TRIQK: variants seen among roughly 807,000 people sequenced by gnomAD.
The protein encoded by TRIQK is triple QxxK/R motif-containing protein.
In TRIQK, 10 loss-of-function variants were observed where a neutral mutation model predicts 10.8. The ratio of observed to expected loss-of-function variants is 0.92; its 90% CI spans 0.57 to 1.57. The LOEUF is 1.57. TRIQK is among the 40% of genes most tolerant of loss of function. TRIQK has a pLI of 0.00. For missense variants in TRIQK, 107 were observed against 97.7 expected (o/e 1.09, Z -0.40); for synonymous variants, 33 against 33.7 (o/e 0.98, Z 0.07).
chr8:92,920,488 G>A (rs1810118661), intron 2 of TRIQK, among the ~76,000 whole-genome samples: 1 of 150,770 alleles, frequency 6.6e-6, no homozygotes, highest in Non-Finnish European at 1.5e-5. Context: ...ATGAAAACAG[G>A]CTTTGAAGAA....
At chr8:92,976,468 T>A (rs1812932518) in intron 1 of TRIQK, among the ~76,000 whole-genome samples, 1 of 152,040 alleles carries the variant, frequency 6.6e-6, no homozygotes, top group South Asian at 2.1e-4. Flanking sequence ...AGCTTTCTTT[T>A]GGTCAGTGTT....
At chr8:92,995,393 T>C (rs747849634) in intron 1 of TRIQK, among the ~76,000 whole-genome samples, 10 of 152,060 alleles carry the variant, frequency 6.6e-5, no homozygotes, top group Non-Finnish European at 1.5e-4. Context: ...AATATGTGTG[T>C]TTTTATTCCC....
chr8:92,989,936 G>A (rs1045478941), intron 1 of TRIQK, among the ~76,000 whole-genome samples: 6 of 151,586 alleles, frequency 4.0e-5, no homozygotes, highest in African/African-American at 7.3e-5. Flanking sequence ...GAATTAAAAG[G>A]CACATAACAA....
intron 1 of TRIQK, among the ~76,000 whole-genome samples, chr8:92,976,260 C>G (rs544643738): frequency 2.6e-5 from 4 of 151,884 alleles, no homozygotes. Context: ...TTTAACTCTC[C>G]TACTATAATT....
intron 1 of TRIQK, among the ~76,000 whole-genome samples, chr8:92,975,988 A>G (rs1002506554): frequency 6.6e-6 from 1 of 151,872 alleles, no homozygotes; most frequent in East Asian, 1.9e-4. Flanking sequence ...ATTTCCTGTT[A>G]GTAATTTACT....
intron 2 of TRIQK, chr8:92,953,951 G>T (rs1044586182): frequency 2.6e-5 from 4 of 151,792 alleles, no homozygotes; most frequent in Admixed American, 6.6e-5. Flanking sequence ...AATTTACTAA[G>T]AAATATTGCT....
chr8:92,935,772 G>T (rs1011543556), intron 2 of TRIQK, among the ~76,000 whole-genome samples: 3 of 151,334 alleles, frequency 2.0e-5, no homozygotes, highest in Non-Finnish European at 4.4e-5. Context: ...ATTCAGCAGA[G>T]ATTAACATTA....
chr8:92,946,254 A>C (rs1811526384), intron 2 of TRIQK, among the ~76,000 whole-genome samples: 1 of 152,178 alleles, frequency 6.6e-6, no homozygotes, highest in Non-Finnish European at 1.5e-5. Flanking sequence ...TCACTTTTTC[A>C]CATTTTGAAG....
chr8:92,959,294 T>C (rs1812328713), intron 1 of TRIQK, among the ~76,000 whole-genome samples: 1 of 152,058 alleles, frequency 6.6e-6, no homozygotes, highest in African/African-American at 2.4e-5. Context: ...GATTATCAGG[T>C]TTCCTCTCTG....
upstream of TRIQK, among the ~76,000 whole-genome samples, chr8:92,967,871 T>C (rs1296140881): frequency 2.0e-5 from 3 of 149,500 alleles, no homozygotes; most frequent in Non-Finnish European, 4.5e-5. Context: ...GAAAGAGTTA[T>C]GATTATATAT....
intron 3 of TRIQK, among the ~76,000 whole-genome samples, chr8:92,895,560 C>A (rs901591909): frequency 5.3e-5 from 8 of 152,008 alleles, no homozygotes; most frequent in African/African-American, 1.5e-4. Flanking sequence ...TTTGAGTAGT[C>A]ATAATCAGAA....
At chr8:92,924,469 T>C (rs1810343245) in intron 2 of TRIQK, among the ~76,000 whole-genome samples, 1 of 152,034 alleles carries the variant, frequency 6.6e-6, no homozygotes, top group Non-Finnish European at 1.5e-5. Context: ...AGGAATTTAC[T>C]ATGTTCTGCA....
At chr8:92,981,918 A>G (rs540190792) in intron 1 of TRIQK, among the ~76,000 whole-genome samples, 2 of 151,968 alleles carry the variant, frequency 1.3e-5, no homozygotes, top group South Asian at 2.1e-4. Flanking sequence ...TGAAATAGAA[A>G]GAGAGGGTGG....
At chr8:92,937,320 C>T (rs1289286241) in intron 2 of TRIQK, among the ~76,000 whole-genome samples, 1 of 151,084 alleles carries the variant, frequency 6.6e-6, no homozygotes, top group Non-Finnish European at 1.5e-5. Context: ...ACACATGCAC[C>T]CAAATGATAA....
intron 1 of TRIQK, among the ~76,000 whole-genome samples, chr8:92,983,368 T>G (rs1198378616): frequency 6.6e-6 from 1 of 152,030 alleles, no homozygotes; most frequent in Admixed American, 6.6e-5. Context: ...TTTCAGTGGC[T>G]TAACATAGTA....
intron 1 of TRIQK, among the ~76,000 whole-genome samples, chr8:93,012,449 A>G (rs1813344648): frequency 6.6e-6 from 1 of 152,194 alleles, no homozygotes. Flanking sequence ...GCGTTTTCAG[A>G]AAAGCCAACT....
intron 3 of TRIQK, 89 bp from the exon 4 acceptor site, chr8:92,892,163 A>G (rs1456987848): frequency 8.4e-6 from 8 of 947,508 alleles, no homozygotes; most frequent in Non-Finnish European, 1.1e-5. Context: ...GTTTAAATAC[A>G]GTGAAACAGG....
chr8:92,979,759 CTCATT>C (rs1812967572), intron 1 of TRIQK, among the ~76,000 whole-genome samples: 1 of 151,950 alleles, frequency 6.6e-6, no homozygotes. Flanking sequence ...CTAATGGTCC[CTCATT>C]TGTGAAAAAG....
At chr8:92,928,913 T>A (rs1810576935) in intron 2 of TRIQK, among the ~76,000 whole-genome samples, 1 of 152,174 alleles carries the variant, frequency 6.6e-6, no homozygotes, top group African/African-American at 2.4e-5. Flanking sequence ...AGGTTTGAAG[T>A]TAACTAAGTA....
Sources: gnomAD v4.1 joint callset for allele counts (sites outside exome capture counted in the v4.1 genomes callset) on GRCh38, gnomAD v4.1.1 for gene constraint, MANE v1.5 for transcripts, NCBI Gene and HGNC (gene_info 2026-07-23, HGNC 2026-07-21) for gene names.